The following POLK variants were observed in gnomAD, a reference collection of about 807,000 sequenced individuals.
The protein encoded by POLK is DNA polymerase kappa, also known as polymerase (DNA directed) kappa.
POLK carries 76 observed loss-of-function variants against 94.0 expected under a neutral mutation model. The ratio of observed to expected loss-of-function variants is 0.81; its 90% confidence interval spans 0.67 to 0.98. The LOEUF (loss-of-function observed/expected upper bound fraction) is 0.98, where lower values mean the gene tolerates loss of function less well. Among genes scored for constraint, POLK ranks in the 50% least tolerant of loss-of-function variants. The probability of loss-of-function intolerance (pLI) is 0.00; values close to 1 mark genes in which losing one functional copy is unlikely to be tolerated. For missense variants in POLK, 954 were observed against 1,010.1 expected (o/e 0.94, Z 0.75); for synonymous variants, 349 against 325.4 (o/e 1.07, Z -0.78).
intron 8 of POLK, among the ~76,000 whole-genome samples, chr5:75,583,663 A>G (rs930284152): frequency 2.0e-5 from 3 of 152,186 alleles, no homozygotes; most frequent in Non-Finnish European, 4.4e-5. Context: ...ACTACTGCCA[A>G]GGAGAAGGGA....
chr5:75,519,817 TC>T (rs952686876), intron 1 of POLK, among the ~76,000 whole-genome samples: 11 of 152,196 alleles, frequency 7.2e-5, no homozygotes, highest in African/African-American at 2.7e-4. Context: ...TGGTCTTGTT[TC>T]TTTATCCAGT....
At chr5:75,587,980 A>G (rs1772561220) in intron 10 of POLK, among the ~76,000 whole-genome samples, 1 of 152,166 alleles carries the variant, frequency 6.6e-6, no homozygotes, top group Admixed American at 6.5e-5. Context: ...CATATTTCAC[A>G]TATATTATTT....
chr5:75,574,545 T>C (rs921658743), intron 5 of POLK, among the ~76,000 whole-genome samples: 9 of 152,228 alleles, frequency 5.9e-5, no homozygotes, highest in Admixed American at 5.2e-4. Context: ...CAAATACTTT[T>C]AGACTGCTAT....
the POLK span, among the ~76,000 whole-genome samples, chr5:75,607,155 T>C: frequency 6.6e-6 from 1 of 152,050 alleles, no homozygotes; most frequent in Non-Finnish European, 1.5e-5. Context: ...GTGACTGAGT[T>C]TTGACTAATG....
intron 1 of POLK, among the ~76,000 whole-genome samples, chr5:75,523,946 A>G (rs553056248): frequency 1.3e-5 from 2 of 152,176 alleles, no homozygotes; most frequent in African/African-American, 4.8e-5. Flanking sequence ...CCTGGCCAAC[A>G]TGGTGAAACC....
chr5:75,576,867 G>A, exon 6 of POLK: 1 of 1,559,640 alleles, frequency 6.4e-7, no homozygotes, highest in Non-Finnish European at 8.7e-7. Flanking sequence ...GCACTTAGAA[G>A]AAAGACAAAA....
At chr5:75,591,134 C>T (rs1772759704) in intron 11 of POLK, among the ~76,000 whole-genome samples, 1 of 152,146 alleles carries the variant, frequency 6.6e-6, no homozygotes, top group Non-Finnish European at 1.5e-5. Context: ...ATCTGTGTTA[C>T]ATACCAGAAT....
At chr5:75,511,066 G>A (rs1267647515), upstream of POLK, 1 of 1,491,260 alleles carries the variant, frequency 6.7e-7, no homozygotes. Context: ...TTGCCTCGCT[G>A]CAGGTGAGTC....
chr5:75,558,032 A>G (rs1581013723), intron 3 of POLK, among the ~76,000 whole-genome samples: 1 of 152,058 alleles, frequency 6.6e-6, no homozygotes, highest in Non-Finnish European at 1.5e-5. Flanking sequence ...CAAGTGATCC[A>G]CCTGCCTCGG....
rs573349562 is a variant in POLK, at chr5:75,528,649, C to CAA, written c.-14+16749_-14+16750dup. ...CAACATAGCAAGAACTCCACTCTAC[C>CAA]AAAAAAAAAAAAAAATTTGGGCAAG... On this transcript the variant is annotated intron_variant, in intron 1 of 14. Coordinates refer to ENST00000241436, the Ensembl canonical transcript of POLK. Among the ~76,000 whole-genome samples the CAA allele has an allele frequency of 7.3e-4, 101 of 139,006 alleles. 1 individual carries two copies. The highest frequency in any genetic ancestry group is 2.6e-3 in the African/African-American group (97 of 37,470). 91.2% of individuals were successfully genotyped at this position (139,006 alleles called of 152,430 possible).
At chr5:75,552,678 A>G in intron 3 of POLK, 87 bp downstream of exon 3, 1 of 1,246,612 alleles carries the variant, frequency 8.0e-7, no homozygotes, top group East Asian at 2.3e-5. Flanking sequence ...ACTGAAAACA[A>G]GATGAAATGT....
intron 4 of POLK, among the ~76,000 whole-genome samples, chr5:75,569,901 A>G (rs907131468): frequency 6.6e-6 from 1 of 152,198 alleles, no homozygotes; most frequent in African/African-American, 2.4e-5. Flanking sequence ...ACTCATTATG[A>G]GAATCAAATG....
chr5:75,551,532 G>A lies in POLK; in HGVS notation c.136-940G>A, dbSNP rs138202878. Among the ~76,000 whole-genome samples the A allele has an allele frequency of 3.4e-3, 511 of 152,092 alleles. 2 individuals are homozygous for A. Among genetic ancestry groups the A allele is most frequent in the African/African-American group, 0.012 (483 of 41,506 alleles). On this transcript the variant is annotated intron_variant, in intron 2 of 14. Transcript: ENST00000241436. ...CTACAACTCAATAAGACAAGCAACC[G>A]AATCAAAAAATGGTCAAAAGATGTG...
intron 1 of POLK, among the ~76,000 whole-genome samples, chr5:75,527,384 G>A (rs1185825974): frequency 6.6e-6 from 1 of 151,618 alleles, no homozygotes; most frequent in Non-Finnish European, 1.5e-5. Context: ...GCTGGTTTTG[G>A]TGGTGCACGC....
At chr5:75,564,632 T>A (rs565541892) in intron 3 of POLK, among the ~76,000 whole-genome samples, 1 of 152,210 alleles carries the variant, frequency 6.6e-6, no homozygotes, top group Non-Finnish European at 1.5e-5. Flanking sequence ...AGGATTTTAT[T>A]TCTCCTTCAC....
intron 1 of POLK, among the ~76,000 whole-genome samples, chr5:75,515,600 A>G (rs1487004929): frequency 6.6e-6 from 1 of 152,142 alleles, no homozygotes; most frequent in Non-Finnish European, 1.5e-5. Context: ...CAATGTATTG[A>G]TTTCCCTTTT....
intron 6 of POLK, 88 bp downstream of exon 6, chr5:75,577,021 C>A: frequency 1.3e-6 from 1 of 755,302 alleles, no homozygotes; most frequent in Non-Finnish European, 2.0e-6. Flanking sequence ...AATTTATTAG[C>A]CTGCATAGGT....
At chr5:75,533,959 GT>G (rs1190409600) in intron 1 of POLK, among the ~76,000 whole-genome samples, 27 of 152,232 alleles carry the variant, frequency 1.8e-4, no homozygotes, top group South Asian at 1.5e-3. Flanking sequence ...CTTTGCTGAG[GT>G]TTATCACATC....
At chr5:75,532,028 AAG>A (rs772919919) in intron 1 of POLK, among the ~76,000 whole-genome samples, 6 of 152,186 alleles carry the variant, frequency 3.9e-5, no homozygotes, top group Non-Finnish European at 5.9e-5. Context: ...TTAGTAATCC[AAG>A]AGAGAATAAG....
Sources: allele counts gnomAD v4.1 joint callset (sites outside exome capture counted in the v4.1 genomes callset), GRCh38; gene constraint gnomAD v4.1.1; transcripts MANE v1.5; gene names NCBI Gene and HGNC (gene_info 2026-07-23, HGNC 2026-07-21).